The following ZXDC variants were observed in gnomAD, a reference collection of about 807,000 sequenced individuals.
ZXDC encodes ZXD family zinc finger C, also known as zinc finger protein ZXDC.
A neutral mutation model predicts 63.6 loss-of-function variants in ZXDC; 58 were observed. The observed-to-expected ratio is 0.91, with a 90% CI of 0.74 to 1.13. The LOEUF is 1.13. Ranked by LOEUF, ZXDC falls within the 50% of genes most tolerant of loss-of-function variation. The pLI, the probability that ZXDC is intolerant of heterozygous loss-of-function variation, is 0.00. For missense variants in ZXDC, 1,133 were observed against 1,148.9 expected, an observed-to-expected ratio of 0.99 and a Z score of 0.20; for synonymous variants, 561 against 496.1, an observed-to-expected ratio of 1.13 and a Z score of -1.74.
At chr3:126,474,792 G>A (rs1935116456) in intron 1 of ZXDC, among the ~76,000 whole-genome samples, 167 bp downstream of exon 1, 1 of 152,230 alleles carries the variant, frequency 6.6e-6, no homozygotes, top group Non-Finnish European at 1.5e-5. Context: ...GGCAGGGCAG[G>A]GCCAAGATCT....
At chr3:126,445,334 T>A (rs1018412201) in intron 7 of ZXDC, among the ~76,000 whole-genome samples, 10 of 151,770 alleles carry the variant, frequency 6.6e-5, no homozygotes, top group African/African-American at 2.4e-4. Flanking sequence ...ATGCCCCACA[T>A]CCCCTCTCTG....
chr3:126,463,577 T>C (rs574386962), intron 5 of ZXDC, among the ~76,000 whole-genome samples: 2 of 152,352 alleles, frequency 1.3e-5, no homozygotes, highest in South Asian at 2.1e-4. Context: ...AATCACAGGA[T>C]GCTTCAAGCA....
chr3:126,472,424 C>T, intron 1 of ZXDC, 119 bp from the exon 2 acceptor site: 1 of 1,241,432 alleles, frequency 8.1e-7, no homozygotes, highest in Non-Finnish European at 1.1e-6. Context: ...AAACATGACT[C>T]AGAAGCACTC....
chr3:126,459,800 C>G (rs754579859), intron 6 of ZXDC, 63 bp from the exon 7 acceptor site: 2 of 1,613,218 alleles, frequency 1.2e-6, no homozygotes, highest in Non-Finnish European at 1.7e-6. Flanking sequence ...AGCAAGGGAG[C>G]TACAGAAGTG....
intron 4 of ZXDC, among the ~76,000 whole-genome samples, chr3:126,469,065 G>A (rs186828525): frequency 1.3e-5 from 2 of 152,226 alleles, no homozygotes; most frequent in Non-Finnish European, 2.9e-5. Flanking sequence ...ACCCTGGGAG[G>A]TTTTATTCAC....
intron 1 of ZXDC, among the ~76,000 whole-genome samples, chr3:126,473,616 A>G (rs777502): frequency 0.61 from 92,814 of 152,158 alleles, 28,879 homozygotes; most frequent in South Asian, 0.74. Flanking sequence ...ACTGAAAAAG[A>G]CTTTGAGCTA....
Position 126,457,988 on chromosome 3 carries a change from C to T in ZXDC, c.2212+1665G>A, listed in dbSNP as rs530210381. ...CACTCGAAAGAACAATCAGTTTCTT[C>T]AACAAAAACCAGGCAAGACCTAGCA... On this transcript the variant is annotated intron_variant, in intron 7 of 9. Transcript: ENST00000389709. Among the ~76,000 whole-genome samples, 14 of 152,280 alleles carry T rather than the reference C, an allele frequency of 9.2e-5. No homozygotes were observed. In the East Asian group the frequency reaches 2.7e-3, roughly 29 times the overall value.
chr3:126,453,207 T>C (rs1254003442), intron 7 of ZXDC: 5 of 985,324 alleles, frequency 5.1e-6, no homozygotes, highest in Non-Finnish European at 6.0e-6. Context: ...TCTAACTTAT[T>C]ATCATACAGT....
chr3:126,474,847 G>A, intron 1 of ZXDC, 112 bp downstream of exon 1: 1 of 1,251,062 alleles, frequency 8.0e-7, no homozygotes, highest in African/African-American at 1.5e-5. Flanking sequence ...ATCCCGAAGA[G>A]CCTGCGTCCC....
At chr3:126,474,121 G>A (rs1935086233) in intron 1 of ZXDC, among the ~76,000 whole-genome samples, 2 of 147,384 alleles carry the variant, frequency 1.4e-5, no homozygotes, top group Non-Finnish European at 3.0e-5. Flanking sequence ...CTGGAATGCA[G>A]TGGCGCGATC....
chr3:126,467,888 C>A (rs186070135), intron 4 of ZXDC, among the ~76,000 whole-genome samples: 1 of 152,206 alleles, frequency 6.6e-6, no homozygotes, highest in Non-Finnish European at 1.5e-5. Flanking sequence ...CACGCTACAA[C>A]AGGACCCTTG....
At chr3:126,453,058 G>A in intron 7 of ZXDC, 2 of 985,388 alleles carry the variant, frequency 2.0e-6, no homozygotes, top group Non-Finnish European at 2.4e-6. Flanking sequence ...TTCATGGGAA[G>A]CTTCTGTTTT....
Position 126,446,241 on chromosome 3 carries a change from C to A in ZXDC, c.2213-4295G>T, listed in dbSNP as rs112857054. 5.9e-5 allele frequency among the ~76,000 whole-genome samples: 9 copies of A among 152,294 alleles called. 1 individual carries two copies. Among genetic ancestry groups the A allele is most frequent in the African/African-American group, 1.9e-4 (8 of 41,554 alleles). ...GGAGCAGTATAAATCCAACACCAAG[C>A]AACCTCCTGGGAAGCAAGGAAGGAC... is the stretch of plus-strand genomic sequence containing the variant. On this transcript the variant is annotated intron_variant, in intron 7 of 9. Coordinates refer to ENST00000389709, the MANE Select transcript of ZXDC (RefSeq NM_025112.5).
At chr3:126,446,535 C>T (rs906867453) in intron 7 of ZXDC, among the ~76,000 whole-genome samples, 3 of 152,186 alleles carry the variant, frequency 2.0e-5, no homozygotes, top group African/African-American at 4.8e-5. Context: ...CCAGGTGCCC[C>T]GAGAAAGGAT....
intron 7 of ZXDC, among the ~76,000 whole-genome samples, chr3:126,446,942 G>A (rs1182960911): frequency 6.6e-6 from 1 of 152,184 alleles, no homozygotes; most frequent in Non-Finnish European, 1.5e-5. Context: ...GAAAGCATAA[G>A]GAACCCACAA....
At chr3:126,471,495 C>G (rs1934978674) in intron 3 of ZXDC, among the ~76,000 whole-genome samples, 1 of 152,160 alleles carries the variant, frequency 6.6e-6, no homozygotes, top group Non-Finnish European at 1.5e-5. Flanking sequence ...CAGAGCCCAG[C>G]TGTGCAAGTA....
chr3:126,471,672 G>A lies in ZXDC; in HGVS notation c.1139+301C>T, dbSNP rs113081377. On this transcript the variant is annotated intron_variant, in intron 3 of 9. Transcript: ENST00000389709. ...CCACCATGAAAACTTGTAATTACAT[G>A]AAGAAAGCTTATTCTACAATGTTAA... is the stretch of plus-strand genomic sequence containing the variant. Among the ~76,000 whole-genome samples, 434 of 151,704 alleles carry A rather than the reference G, an allele frequency of 2.9e-3. 2 individuals are homozygous for A. Among genetic ancestry groups the A allele is most frequent in the African/African-American group, 1.0e-2 (412 of 41,390 alleles).
chr3:126,463,226 G>A (rs1934627590), intron 5 of ZXDC, among the ~76,000 whole-genome samples: 2 of 152,168 alleles, frequency 1.3e-5, no homozygotes, highest in South Asian at 4.2e-4. Flanking sequence ...CCGCCACTAT[G>A]CCCGGCTAAT....
chr3:126,450,679 T>C, intron 7 of ZXDC: 1 of 362,724 alleles, frequency 2.8e-6, no homozygotes, highest in Non-Finnish European at 5.5e-6. Flanking sequence ...GCTTTCATCA[T>C]GGCAGCAACA....
Sources: allele counts gnomAD v4.1 joint callset (sites outside exome capture counted in the v4.1 genomes callset), GRCh38; gene constraint gnomAD v4.1.1; transcripts MANE v1.5; gene names NCBI Gene and HGNC (gene_info 2026-07-23, HGNC 2026-07-21).